The following ABI3BP variants were observed in gnomAD, a reference collection of about 807,000 sequenced individuals.
ABI3BP encodes the protein ABI family member 3 binding protein.
In ABI3BP, 216 loss-of-function variants were observed where a neutral mutation model predicts 268.6. The observed-to-expected ratio is 0.80, with a 90% confidence interval of 0.72 to 0.90. The LOEUF is 0.90. ABI3BP is among the 40% of genes least tolerant of loss of function. The pLI is 0.00. For missense variants in ABI3BP, 2,090 were observed against 2,182.4 expected (o/e 0.96, Z 0.84); for synonymous variants, 730 against 730.0 (o/e 1.00, Z 0.00).
At chr3:100,934,917 T>C (rs1282868711) in intron 1 of ABI3BP, among the ~76,000 whole-genome samples, 2 of 152,182 alleles carry the variant, frequency 1.3e-5, no homozygotes, top group Non-Finnish European at 2.9e-5. Context: ...TTTTCTCCCA[T>C]TCTGTAGGTT....
At chr3:100,914,668 G>A (rs991497083) in intron 2 of ABI3BP, among the ~76,000 whole-genome samples, 2 of 152,184 alleles carry the variant, frequency 1.3e-5, no homozygotes, top group Non-Finnish European at 2.9e-5. Flanking sequence ...AAATGGGAGT[G>A]CAGCATTGAT....
intron 1 of ABI3BP, among the ~76,000 whole-genome samples, chr3:100,955,785 C>A (rs2076603237): frequency 6.6e-6 from 1 of 152,022 alleles, no homozygotes; most frequent in Non-Finnish European, 1.5e-5. Flanking sequence ...AAGCTCTCTG[C>A]CATAAGCTGG....
chr3:100,849,996 T>C (rs1399351895), intron 17 of ABI3BP, 49 bp downstream of exon 17: 2 of 1,498,040 alleles, frequency 1.3e-6, no homozygotes, highest in Non-Finnish European at 1.8e-6. Flanking sequence ...ACTTCTCACA[T>C]TACCTGTTTC....
chr3:100,755,076 T>C (rs2095545168), intron 63 of ABI3BP, among the ~76,000 whole-genome samples: 1 of 152,128 alleles, frequency 6.6e-6, no homozygotes, highest in African/African-American at 2.4e-5. Flanking sequence ...AGTGGCAAGA[T>C]TCCATTTTAT....
At chr3:100,841,439 G>A (rs971559664) in intron 21 of ABI3BP, among the ~76,000 whole-genome samples, 1 of 151,656 alleles carries the variant, frequency 6.6e-6, no homozygotes, top group African/African-American at 2.4e-5. Context: ...ACAAGCTCAG[G>A]GCATATTCCT....
intron 33 of ABI3BP, 85 bp from the exon 34 acceptor site, chr3:100,828,537 G>A: frequency 8.2e-7 from 1 of 1,221,628 alleles, no homozygotes; most frequent in South Asian, 1.3e-5. Flanking sequence ...ATTTTACGAG[G>A]TCATGACATA....
At chr3:100,848,585 C>T (rs1299291272) in intron 18 of ABI3BP, among the ~76,000 whole-genome samples, 2 of 151,914 alleles carry the variant, frequency 1.3e-5, no homozygotes, top group African/African-American at 4.8e-5. Context: ...GCACACCATG[C>T]CTGGCTAATT....
intron 2 of ABI3BP, among the ~76,000 whole-genome samples, chr3:100,914,818 G>T (rs966005455): frequency 6.6e-6 from 1 of 152,132 alleles, no homozygotes; most frequent in Non-Finnish European, 1.5e-5. Context: ...AAGGTTGTCT[G>T]GAAGAAAAGA....
rs202125099 is a variant in ABI3BP, at chr3:100,917,444, TA to T, written c.259+8857del. On this transcript the variant is annotated intron_variant, in intron 2 of 67. Coordinates refer to ENST00000471714, the MANE Select transcript of ABI3BP (RefSeq NM_001375547.2). Reference sequence around the variant, plus strand: ...GACCATGTTCCTTGGTTTTGAAATGTAAAAAAAAAAAATTCTAAAGTTTAAA... The same window carrying T: ...GACCATGTTCCTTGGTTTTGAAATGTAAAAAAAAAAATTCTAAAGTTTAAA... Among the ~76,000 whole-genome samples the T allele has an allele frequency of 5.3e-3, 772 of 146,302 alleles. 1 individual carries two copies. The highest frequency in any genetic ancestry group is 0.016 in the African/African-American group (632 of 40,276).
At chr3:100,848,705 G>C in intron 18 of ABI3BP, 96 bp downstream of exon 18, 1 of 1,192,620 alleles carries the variant, frequency 8.4e-7, no homozygotes, top group Non-Finnish European at 1.2e-6. Flanking sequence ...GGAGTTGCAG[G>C]TGTGAGCCAC....
Position 100,874,951 on chromosome 3 carries a change from T to C in ABI3BP, c.818-18A>G, listed in dbSNP as rs755456039. 4.2e-5 allele frequency: 61 copies of C among 1,438,592 alleles called. No homozygotes were observed. Among genetic ancestry groups the C allele is most frequent in the Non-Finnish European group, 5.6e-5 (58 of 1,037,340 alleles). 89.1% of individuals were successfully genotyped at this position (1,438,592 alleles called of 1,614,324 possible). ...AAGGTGGACTGCAAGGAAATAGATG[T>C]AAATAAGATAAGGGGAAGAAAGTGC... On this transcript the variant is annotated intron_variant, in intron 8 of 67. Coordinates refer to ENST00000471714, the MANE Select transcript of ABI3BP (RefSeq NM_001375547.2).
chr3:100,844,303 T>TA (rs1431408397), intron 20 of ABI3BP: 12 of 985,298 alleles, frequency 1.2e-5, no homozygotes, highest in Admixed American at 6.2e-5. Flanking sequence ...ATTAGAAGCT[T>TA]AAAGATTAAA....
chr3:100,847,580 A>C (rs765452603), intron 19 of ABI3BP, 22 bp downstream of exon 19: 12 of 1,582,980 alleles, frequency 7.6e-6, no homozygotes, highest in Non-Finnish European at 1.0e-5. Context: ...CAACACATCT[A>C]CTAAGGACAT....
At chr3:100,957,417 G>A (rs1227338238) in intron 1 of ABI3BP, among the ~76,000 whole-genome samples, 1 of 152,184 alleles carries the variant, frequency 6.6e-6, no homozygotes, top group African/African-American at 2.4e-5. Flanking sequence ...AAACCTGCAT[G>A]TCTATTAGAA....
At chr3:100,814,987 G>A (rs73135520) in intron 44 of ABI3BP, among the ~76,000 whole-genome samples, 21,576 of 152,056 alleles carry the variant, frequency 0.14, 1,990 homozygotes, top group South Asian at 0.27. Context: ...CAAGCTTATT[G>A]TCATACCTGT....
Position 100,928,807 on chromosome 3 carries a change from C to T in ABI3BP, c.80-2326G>A, listed in dbSNP as rs151196027. ...GATCTTGGGCTCTCTCTAGGCTGGA[C>T]TGCACTGCTCTCTTTTCACTGAGAA... is the stretch of plus-strand genomic sequence containing the variant. On this transcript the variant is annotated intron_variant, in intron 1 of 67. Coordinates refer to ENST00000471714, the MANE Select transcript of ABI3BP (RefSeq NM_001375547.2). Among the ~76,000 whole-genome samples, 83 of 152,140 alleles carry T rather than the reference C, an allele frequency of 5.5e-4. 1 individual carries two copies. Among genetic ancestry groups the T allele is most frequent in the African/African-American group, 1.9e-3 (77 of 41,540 alleles).
intron 32 of ABI3BP, 85 bp downstream of exon 32, chr3:100,830,493 C>G (rs981669596): frequency 2.2e-5 from 25 of 1,135,520 alleles, no homozygotes; most frequent in Middle Eastern, 2.0e-4. Flanking sequence ...CCTTGTGAAG[C>G]GGGAGAAGCT....
chr3:100,789,237 T>G lies in ABI3BP; in HGVS notation c.4087+217A>C, dbSNP rs140931600. Among the ~76,000 whole-genome samples the G allele has an allele frequency of 2.5e-3, 376 of 152,180 alleles. 5 individuals are homozygous for G. Among genetic ancestry groups the G allele is most frequent in the African/African-American group, 8.5e-3 (352 of 41,560 alleles). On this transcript the variant is annotated intron_variant, in intron 56 of 67. Coordinates refer to ENST00000471714, the MANE Select transcript of ABI3BP (RefSeq NM_001375547.2). Reference sequence around the variant, plus strand: ...ATACTTTTAAATCAATAAAATTTCATAGTGATCTCTGCATCTGATTATCCT... The same window carrying G: ...ATACTTTTAAATCAATAAAATTTCAGAGTGATCTCTGCATCTGATTATCCT...
chr3:100,880,567 G>A (rs927130206), intron 6 of ABI3BP, among the ~76,000 whole-genome samples: 2 of 152,140 alleles, frequency 1.3e-5, no homozygotes, highest in African/African-American at 4.8e-5. Flanking sequence ...CTGGGACACT[G>A]TGGCGAAGCA....
Sources: allele counts gnomAD v4.1 joint callset (sites outside exome capture counted in the v4.1 genomes callset), GRCh38; gene constraint gnomAD v4.1.1; transcripts MANE v1.5; gene names NCBI Gene and HGNC (gene_info 2026-07-23, HGNC 2026-07-21).